The following MAP3K5 variants were observed in gnomAD, a reference collection of about 807,000 sequenced individuals.
The protein encoded by MAP3K5 is ASK-1.
In MAP3K5, 56 loss-of-function variants were observed where a neutral mutation model predicts 158.7. The observed-to-expected ratio is 0.35, with a 90% CI of 0.28 to 0.44. The LOEUF (loss-of-function observed/expected upper bound fraction) is 0.44, where lower values mean the gene tolerates loss of function less well. Among genes scored for constraint, MAP3K5 ranks in the 20% least tolerant of loss-of-function variants. The probability of loss-of-function intolerance (pLI) is 1.00; values close to 1 mark genes in which losing one functional copy is unlikely to be tolerated. For missense variants in MAP3K5, 1,294 were observed against 1,674.8 expected (o/e 0.77, Z 3.97); for synonymous variants, 579 against 601.7 (o/e 0.96, Z 0.55).
intron 13 of MAP3K5, among the ~76,000 whole-genome samples, chr6:136,638,415 T>A (rs1445673322): frequency 6.6e-6 from 1 of 152,232 alleles, no homozygotes; most frequent in Non-Finnish European, 1.5e-5. Context: ...CAGATTTTTA[T>A]GCTTATTGAC....
In MAP3K5 at chr6:136,694,325, A is replaced by G. The variant is rs1780511119; in HGVS notation, c.1083-15T>C. 1.2e-6 allele frequency: 2 copies of G among 1,601,560 alleles called. No individual in the cohort carries two copies. Among genetic ancestry groups the G allele is most frequent in the Admixed American group, 1.7e-5 (1 of 59,260 alleles). On this transcript the variant is annotated splice_polypyrimidine_tract_variant and intron_variant, in intron 6 of 29. Coordinates refer to ENST00000359015, the MANE Select transcript of MAP3K5 (RefSeq NM_005923.4). ...GGAGATTTCTCCTAAGGCAGAAAAC[A>G]TTGTTGTTTCAATATACATTACAGA... is the stretch of plus-strand genomic sequence containing the variant.
At chr6:136,562,752 C>G (rs931609035) in intron 26 of MAP3K5, 137 bp from the exon 27 acceptor site, 1 of 483,864 alleles carries the variant, frequency 2.1e-6, no homozygotes, top group Non-Finnish European at 3.6e-6. Context: ...CTCACTGCAT[C>G]CTTAAACTCT....
At chr6:136,599,990 A>C (rs1326449618) in intron 21 of MAP3K5, among the ~76,000 whole-genome samples, 1 of 152,134 alleles carries the variant, frequency 6.6e-6, no homozygotes, top group East Asian at 1.9e-4. Flanking sequence ...AAATGGAAGA[A>C]GAAAAAGTAG....
intron 1 of MAP3K5, among the ~76,000 whole-genome samples, chr6:136,764,744 T>C (rs1197904006): frequency 6.6e-6 from 1 of 152,232 alleles, no homozygotes; most frequent in African/African-American, 2.4e-5. Context: ...GCACCCACTA[T>C]AGGCCTGCTT....
chr6:136,677,859 T>C (rs1227854535), intron 7 of MAP3K5, among the ~76,000 whole-genome samples: 2 of 152,232 alleles, frequency 1.3e-5, no homozygotes, highest in Non-Finnish European at 1.5e-5. Flanking sequence ...TAAAAGAATC[T>C]ATAGTACCTG....
At chr6:136,576,093 C>T (rs961506705) in intron 25 of MAP3K5, among the ~76,000 whole-genome samples, 5 of 152,062 alleles carry the variant, frequency 3.3e-5, no homozygotes, top group Non-Finnish European at 7.4e-5. Context: ...TGATCTTTCT[C>T]GTCCATATAT....
At chr6:136,563,247 A>G (rs1830596793) in intron 26 of MAP3K5, among the ~76,000 whole-genome samples, 1 of 152,174 alleles carries the variant, frequency 6.6e-6, no homozygotes, top group African/African-American at 2.4e-5. Flanking sequence ...ATTTCTTGTT[A>G]TGACCATAAA....
chr6:136,562,528 G>C lies in MAP3K5; in HGVS notation c.3849C>G (p.His1283Gln), dbSNP rs1830559924. ...CTATGGGTTGGGACTTAAGCTTCAGGTGTTTAATTTCTTGGTCTTTTTCTT... is the reference window on the plus strand; with the variant it reads ...CTATGGGTTGGGACTTAAGCTTCAGCTGTTTAATTTCTTGGTCTTTTTCTT... ...AIEEKDQEIK[H>Q]LKLKSQPIEI... The change falls in exon 27 of 30, where the codon CAC becomes CAG. Residue 1283 changes from histidine (H) to glutamine (Q), a missense_variant. Coordinates refer to ENST00000359015, the MANE Select transcript of MAP3K5 (RefSeq NM_005923.4). 1 of 1,599,318 alleles carries C rather than the reference G, an allele frequency of 6.3e-7. No homozygotes were observed. The highest frequency in any genetic ancestry group is 2.3e-5 in the East Asian group (1 of 43,640).
chr6:136,765,713 A>G (rs1436064298), intron 1 of MAP3K5, among the ~76,000 whole-genome samples: 2 of 125,400 alleles, frequency 1.6e-5, no homozygotes, highest in Admixed American at 8.8e-5. Flanking sequence ...TATTTTTAGT[A>G]GAGACAGGGT....
chr6:136,606,526 C>G (rs1044268177), intron 18 of MAP3K5, among the ~76,000 whole-genome samples: 2 of 152,182 alleles, frequency 1.3e-5, no homozygotes, highest in Non-Finnish European at 2.9e-5. Context: ...ACAACTACCT[C>G]ATTAACCTAA....
chr6:136,635,467 C>CT (rs1329366556), intron 14 of MAP3K5, among the ~76,000 whole-genome samples: 1 of 152,088 alleles, frequency 6.6e-6, no homozygotes, highest in Admixed American at 6.5e-5. Flanking sequence ...CACAGGAAAT[C>CT]TTTTTTTCCA....
chr6:136,585,369 C>G (rs970212723), intron 23 of MAP3K5, among the ~76,000 whole-genome samples: 1 of 151,814 alleles, frequency 6.6e-6, no homozygotes, highest in East Asian at 1.9e-4. Flanking sequence ...CCTCCCACCT[C>G]CGCCTCCCAA....
At chr6:136,781,290 G>C (rs1784603123) in intron 1 of MAP3K5, among the ~76,000 whole-genome samples, 1 of 152,168 alleles carries the variant, frequency 6.6e-6, no homozygotes, top group South Asian at 2.1e-4. Flanking sequence ...AACCACTATT[G>C]AGTTGGCTCC....
intron 15 of MAP3K5, among the ~76,000 whole-genome samples, chr6:136,616,660 A>G (rs1007105877): frequency 6.6e-6 from 1 of 152,018 alleles, no homozygotes; most frequent in African/African-American, 2.4e-5. Context: ...TGTATTCTAC[A>G]GAGTTAAGAG....
At chr6:136,621,264 C>G (rs896658250) in intron 15 of MAP3K5, among the ~76,000 whole-genome samples, 17 of 152,228 alleles carry the variant, frequency 1.1e-4, no homozygotes, top group African/African-American at 4.1e-4. Context: ...TTTTTGATCT[C>G]CAGCATTTTT....
At chr6:136,668,994 G>C (rs999161655) in intron 8 of MAP3K5, among the ~76,000 whole-genome samples, 1 of 152,112 alleles carries the variant, frequency 6.6e-6, no homozygotes, top group African/African-American at 2.4e-5. Flanking sequence ...TTAGGAGTTG[G>C]GGGTTGAATG....
At chr6:136,774,240 A>G (rs528369828) in intron 1 of MAP3K5, among the ~76,000 whole-genome samples, 73 of 152,144 alleles carry the variant, frequency 4.8e-4, no homozygotes, top group Non-Finnish European at 8.2e-4. Flanking sequence ...AACCTCTAGT[A>G]TAACAATTAG....
At chr6:136,684,404 A>C (rs1780059177) in intron 7 of MAP3K5, among the ~76,000 whole-genome samples, 1 of 152,148 alleles carries the variant, frequency 6.6e-6, no homozygotes, top group Non-Finnish European at 1.5e-5. Flanking sequence ...TTTCTAAATA[A>C]GTCATACTGC....
At chr6:136,580,718 G>C (rs1372418637) in intron 24 of MAP3K5, among the ~76,000 whole-genome samples, 1 of 152,014 alleles carries the variant, frequency 6.6e-6, no homozygotes, top group African/African-American at 2.4e-5. Context: ...ATGGAGGGAG[G>C]GGGTGAAGGA....
Sources: allele counts gnomAD v4.1 joint callset (sites outside exome capture counted in the v4.1 genomes callset), GRCh38; gene constraint gnomAD v4.1.1; transcripts MANE v1.5; gene names NCBI Gene and HGNC (gene_info 2026-07-23, HGNC 2026-07-21).